Variants in PIGT observed in about 807,000 individuals in gnomAD.
PIGT encodes the protein phosphatidylinositol glycan anchor biosynthesis class T, also known as GPI-anchor transamidase component PIGT.
In PIGT, 57 loss-of-function variants were observed where a neutral mutation model predicts 66.7. The ratio of observed to expected loss-of-function variants is 0.86; its 90% CI spans 0.69 to 1.07. PIGT has a LOEUF of 1.07. Among genes scored for constraint, PIGT ranks in the 50% least tolerant of loss-of-function variants. The pLI, the probability that PIGT is intolerant of heterozygous loss-of-function variation, is 0.00. For missense variants in PIGT, 725 were observed against 740.4 expected (o/e 0.98, Z 0.24); for synonymous variants, 362 against 320.5 (o/e 1.13, Z -1.38).
chr20:45,420,905 C>T (rs1990321164), intron 8 of PIGT: 2 of 597,836 alleles, frequency 3.3e-6, no homozygotes, highest in East Asian at 5.6e-5. Context: ...ATAGAGTATA[C>T]TTAGCAAATT....
At chr20:45,423,910 G>T (rs548687815) in intron 9 of PIGT, 30 of 368,206 alleles carry the variant, frequency 8.1e-5, no homozygotes, top group Non-Finnish European at 1.4e-4. Flanking sequence ...AGGTGGTTCT[G>T]TGAACTTCTT....
chr20:45,419,989 C>T (rs1041848047), intron 5 of PIGT, 147 bp from the exon 6 acceptor site: 24 of 640,114 alleles, frequency 3.7e-5, no homozygotes, highest in Admixed American at 5.0e-5. Context: ...GGGTCTGGCA[C>T]GAGGTCAAGT....
chr20:45,424,017 C>G (rs1024505495), intron 9 of PIGT, 199 bp from the exon 10 acceptor site: 1 of 595,514 alleles, frequency 1.7e-6, no homozygotes, highest in East Asian at 2.8e-5. Flanking sequence ...CTCTCTTGAT[C>G]GCATCCTGGG....
chr20:45,425,717 T>C lies in PIGT; in HGVS notation c.1628T>C (p.Phe543Ser), dbSNP rs370217858. ...CTVVAVCYGSFYNLLTRTFHI... is the reference protein window; with the variant it reads ...CTVVAVCYGSSYNLLTRTFHI... ...GTGGTGGCCGTGTGCTATGGCTCCT[T>C]CTACAATCTCCTCACCCGAACCTTC... The change falls in exon 12 of 12, where the codon TTC (phenylalanine) becomes TCC (serine). Residue 543 changes from phenylalanine to serine, a missense_variant. Around this residue, in one of 3 missense-constraint regions of PIGT, gnomAD observed 162 missense variants for 171.1 expected, o/e 0.95. Coordinates refer to ENST00000279036, the MANE Select transcript of PIGT (RefSeq NM_015937.6). 2 of 1,614,012 alleles carry C rather than the reference T, an allele frequency of 1.2e-6. No homozygotes were observed. Among genetic ancestry groups the C allele is most frequent in the Non-Finnish European group, 1.7e-6 (2 of 1,179,992 alleles).
intron 11 of PIGT, 28 bp downstream of exon 11, chr20:45,424,607 A>T (rs1284310667): frequency 1.3e-6 from 2 of 1,578,052 alleles, no homozygotes; most frequent in Non-Finnish European, 1.7e-6. Context: ...CACTGATAAC[A>T]CATCCTCAGC....
Position 45,421,735 on chromosome 20 carries a change from C to T in PIGT, c.1234+152C>T, listed in dbSNP as rs41497050. 2.1e-3 allele frequency: 1,339 copies of T among 640,066 alleles called. 15 individuals carry two copies. In the African/African-American group the frequency reaches 0.022, roughly 10 times the overall value. The allele number at this position is 640,066 out of a possible 1,614,324, so 39.6% of individuals were successfully genotyped here. On this transcript the variant is annotated intron_variant, in intron 9 of 11. Transcript: ENST00000279036. ...AAGGAATAGTTTCTCAAAACTGGAA[C>T]GGGAGCCTCACTGTGCCAGGTTCAG... is the stretch of plus-strand genomic sequence containing the variant.
At position 45,421,385 on chromosome 20, in the gene PIGT, G is replaced by T. The variant is rs569625672; in HGVS notation, c.1036G>T (p.Ala346Ser). 1.2e-6 allele frequency: 2 copies of T among 1,612,362 alleles called. No homozygotes were observed. Among genetic ancestry groups the T allele is most frequent in the African/African-American group, 1.3e-5 (1 of 74,960 alleles). Residue 346 changes from alanine to serine, a missense_variant and splice_region_variant, in exon 9 of 12, where the codon GCC (alanine) becomes TCC (serine). This residue lies in a region of PIGT where 559 missense variants were observed against 552.7 expected (regional missense o/e 1.01). Coordinates refer to ENST00000279036, the MANE Select transcript of PIGT (RefSeq NM_015937.6). ...LKWKRPPENE[A>S]PPVPFLHAQR... ...ACTGTTGATATTTCTTTACACAGAG[G>T]CCCCCCCAGTGCCCTTCCTGCATGC...
At chr20:45,424,857 A>G (rs1005314630) in intron 11 of PIGT, 16 of 473,800 alleles carry the variant, frequency 3.4e-5, no homozygotes, top group African/African-American at 2.9e-4. Flanking sequence ...ATCAAATGCC[A>G]AGTGCTTCTG....
At chr20:45,425,350 G>A (rs909421148) in intron 11 of PIGT, among the ~76,000 whole-genome samples, 12 of 151,554 alleles carry the variant, frequency 7.9e-5, no homozygotes, top group African/African-American at 1.5e-4. Context: ...TTTAAGCCCC[G>A]CATGCATTAG....
chr20:45,420,254 A>C (rs1190744021), intron 6 of PIGT, 31 bp downstream of exon 6: 4 of 1,598,522 alleles, frequency 2.5e-6, no homozygotes, highest in Non-Finnish European at 3.4e-6. Flanking sequence ...ATCTGTACCC[A>C]CCCATGCCAG....
chr20:45,425,139 T>TTCTC (rs1207281343), intron 11 of PIGT: 12 of 44,564 alleles, frequency 2.7e-4, no homozygotes, highest in South Asian at 5.0e-4. Context: ...CTTTCTTTCT[T>TTCTC]TCTCTTTCTT....
intron 11 of PIGT, 80 bp from the exon 12 acceptor site, chr20:45,425,494 C>T: frequency 1.3e-6 from 2 of 1,496,920 alleles, no homozygotes; most frequent in Non-Finnish European, 1.8e-6. Context: ...TGTTGCATTG[C>T]CCAATACTGC....
Position 45,420,350 on chromosome 20 carries a change from T to C in PIGT, c.788T>C (p.Met263Thr). 10 of 1,613,388 alleles carry C rather than the reference T, an allele frequency of 6.2e-6. No homozygotes were observed. Among genetic ancestry groups the C allele is most frequent in the Non-Finnish European group, 8.5e-6 (10 of 1,179,732 alleles). Residue 263 changes from methionine (M) to threonine (T), a missense_variant, in exon 7 of 12, where the codon ATG becomes ACG. By Grantham distance (81) the Met-to-Thr change is moderately conservative. Transcript: ENST00000279036. ...QGKKDWSLFRMFSRTLTEPCP... is the reference protein window; with the variant it reads ...QGKKDWSLFRTFSRTLTEPCP... ...TTCTCAGACTGGTCCCTCTTCCGGA[T>C]GTTCTCCCGAACCCTCACGGAGCCC... is the stretch of plus-strand genomic sequence containing the variant.
At chr20:45,419,796 G>C in intron 5 of PIGT, 1 of 606,708 alleles carries the variant, frequency 1.6e-6, no homozygotes, top group Non-Finnish European at 2.9e-6. Context: ...TAGTGGTTCA[G>C]AACAATAGCT....
chr20:45,420,102 C>A, intron 5 of PIGT, 34 bp from the exon 6 acceptor site: 1 of 1,468,438 alleles, frequency 6.8e-7, no homozygotes, highest in Non-Finnish European at 9.5e-7. Context: ...GAGAGTGATA[C>A]CCCCTCACTG....
chr20:45,419,747 T>A, intron 5 of PIGT, 157 bp downstream of exon 5: 3 of 654,506 alleles, frequency 4.6e-6, no homozygotes, highest in Non-Finnish European at 8.2e-6. Flanking sequence ...AAAACAGTGG[T>A]TGCCTAGCAA....
At chr20:45,419,249 G>T (rs776835686) in intron 3 of PIGT, 46 bp from the exon 4 acceptor site, 2 of 1,489,244 alleles carry the variant, frequency 1.3e-6, no homozygotes, top group South Asian at 2.3e-5. Flanking sequence ...GATCCCGAGG[G>T]GTCAGAGCCC....
chr20:45,416,930 A>C lies in PIGT; in HGVS notation c.365+236A>C, dbSNP rs1028307. On this transcript the variant is annotated intron_variant, in intron 2 of 11. Transcript: ENST00000279036. Reference sequence around the variant, plus strand: ...CTGGAGAGGCAAATAGCAAACAATTAATGCTTATTTGGAGGTAAGGCAGTA... The same window carrying C: ...CTGGAGAGGCAAATAGCAAACAATTCATGCTTATTTGGAGGTAAGGCAGTA... 0.77 allele frequency: 300,612 copies of C among 387,994 alleles called. 117,497 individuals carry two copies. Among genetic ancestry groups the C allele is most frequent in the African/African-American group, 0.85 (41,106 of 48,324 alleles). The allele number at this position is 387,994 out of a possible 1,614,324, so 24.0% of individuals were successfully genotyped here. A position where few individuals can be genotyped will look rare whatever the true frequency, so the allele number is the denominator to read the frequency against.
At chr20:45,421,127 G>C (rs1248684494) in intron 8 of PIGT, 16 of 557,968 alleles carry the variant, frequency 2.9e-5, no homozygotes, top group Non-Finnish European at 3.2e-5. Context: ...AGAATATCCT[G>C]AGAGGACCTG....
Sources: gnomAD v4.1 joint callset for allele counts (sites outside exome capture counted in the v4.1 genomes callset) on GRCh38, gnomAD v4.1.1 for gene constraint, gnomAD v4.1.1 regional missense constraint, MANE v1.5 for transcripts, NCBI Gene and HGNC (gene_info 2026-07-23, HGNC 2026-07-21) for gene names.